The following BLK variants were observed in gnomAD, a reference collection of about 807,000 sequenced individuals.
BLK encodes the protein BLK proto-oncogene, Src family tyrosine kinase.
BLK carries 64 observed loss-of-function variants against 61.8 expected under a neutral mutation model. The observed-to-expected ratio is 1.03, with a 90% CI of 0.85 to 1.27. The LOEUF (loss-of-function observed/expected upper bound fraction) is 1.27. Ranked by LOEUF, BLK falls within the 50% of genes most tolerant of loss-of-function variation. The pLI is 0.00. For synonymous variants in BLK, 351 were observed against 272.0 expected, an observed-to-expected ratio of 1.29 and a Z score of -2.86; for missense variants, 853 against 660.5, an observed-to-expected ratio of 1.29 and a Z score of -3.19.
In BLK at chr8:11,554,783, G is replaced by A. The variant is rs755112375; in HGVS notation, c.513G>A (p.Gly171=). 5.0e-6 allele frequency: 8 copies of A among 1,613,972 alleles called. No homozygotes were observed. Among genetic ancestry groups the A allele is most frequent in the Non-Finnish European group, 6.8e-6 (8 of 1,180,014 alleles). Residue 171 remains glycine, a synonymous_variant, in exon 7 of 13, where the codon GGG becomes GGA. Transcript: ENST00000259089. ...CTGTGAAGGATGTCACCACCCAGGG[G>A]GAGCTGATCAAGCACTATAAGATCC... ...SLSVKDVTTQ[G]ELIKHYKIRC...
At chr8:11,545,296 C>G (rs958990221) in intron 2 of BLK, among the ~76,000 whole-genome samples, 5 of 152,202 alleles carry the variant, frequency 3.3e-5, no homozygotes, top group Non-Finnish European at 5.9e-5. Context: ...CGCCTGTAAT[C>G]CCAGCACTTT....
chr8:11,520,670 T>A (rs1025429204), intron 1 of BLK, among the ~76,000 whole-genome samples: 3 of 152,086 alleles, frequency 2.0e-5, no homozygotes, highest in Non-Finnish European at 4.4e-5. Flanking sequence ...CCTGCTAACA[T>A]TGAGATAATT....
rs147318716 is a variant in BLK, at chr8:11,551,176, G to A, written c.472+914G>A. On this transcript the variant is annotated intron_variant, in intron 6 of 12. Transcript: ENST00000259089. ...TGTCTTGCTTCTGTCACTCAGCAGT[G>A]TTTGTGGGATTCTATGTTAGTTTCC... is the stretch of plus-strand genomic sequence containing the variant. Among the ~76,000 whole-genome samples the A allele has an allele frequency of 4.8e-4, 73 of 152,318 alleles. 1 individual carries two copies. The East Asian group carries it at 0.012, about 25-fold the overall frequency.
At chr8:11,524,134 A>G (rs1280174966) in intron 1 of BLK, among the ~76,000 whole-genome samples, 1 of 152,236 alleles carries the variant, frequency 6.6e-6, no homozygotes, top group African/African-American at 2.4e-5. Flanking sequence ...AAATAAATTA[A>G]TGGTAAATTT....
intron 1 of BLK, among the ~76,000 whole-genome samples, chr8:11,507,476 C>T (rs75153348): frequency 0.064 from 9,687 of 152,260 alleles, 479 homozygotes; most frequent in Non-Finnish European, 0.091. Context: ...GGGGAAGACA[C>T]CACCCACCCT....
Position 11,556,789 on chromosome 8 carries a change from G to A in BLK, c.904G>A (p.Val302Met), listed in dbSNP as rs771604015. 47 of 1,614,112 alleles carry A rather than the reference G, an allele frequency of 2.9e-5. No homozygotes were observed. Among genetic ancestry groups the A allele is most frequent in the Non-Finnish European group, 3.9e-5 (46 of 1,180,048 alleles). Residue 302 changes from valine (V) to methionine (M), a missense_variant, in exon 9 of 13, where the codon GTG (valine) becomes ATG (methionine). Val to Met is a conservative substitution (Grantham distance 21). Transcript: ENST00000259089. ...CGAGCGGCTGGTCCGACTCTACGCA[G>A]TGGTCACCAAGGAGCCCATCTACAT... ...QHERLVRLYA[V>M]VTKEPIYIVT...
intron 1 of BLK, among the ~76,000 whole-genome samples, chr8:11,500,921 T>A (rs1314121727): frequency 6.6e-6 from 1 of 152,174 alleles, no homozygotes; most frequent in African/African-American, 2.4e-5. Flanking sequence ...TAATACTTTT[T>A]ATTTTGGCCA....
intron 1 of BLK, among the ~76,000 whole-genome samples, chr8:11,528,937 C>A (rs1799783436): frequency 1.3e-5 from 2 of 152,012 alleles, no homozygotes; most frequent in African/African-American, 4.8e-5. Context: ...ATAACACACA[C>A]TGGGGCCTAT....
chr8:11,516,944 C>T (rs904748498), intron 1 of BLK, among the ~76,000 whole-genome samples: 1 of 152,246 alleles, frequency 6.6e-6, no homozygotes, highest in Non-Finnish European at 1.5e-5. Flanking sequence ...ACACCCAGAA[C>T]TGGCATTGCT....
intron 1 of BLK, among the ~76,000 whole-genome samples, chr8:11,514,630 G>C (rs547818017): frequency 6.6e-6 from 1 of 152,298 alleles, no homozygotes; most frequent in South Asian, 2.1e-4. Flanking sequence ...CCCAGCCCCT[G>C]TGATTGCACT....
At chr8:11,508,336 G>A (rs1334832833) in intron 1 of BLK, among the ~76,000 whole-genome samples, 1 of 152,214 alleles carries the variant, frequency 6.6e-6, no homozygotes, top group East Asian at 1.9e-4. Context: ...AGCTCAAGCT[G>A]TGCTCACATG....
chr8:11,530,634 G>C (rs1314884237), intron 1 of BLK, among the ~76,000 whole-genome samples: 1 of 151,796 alleles, frequency 6.6e-6, no homozygotes, highest in Non-Finnish European at 1.5e-5. Flanking sequence ...TCTAAATTTT[G>C]TTTACAGGAG....
At chr8:11,559,472 CAAACTCACACAAACACATTT>C (rs1801384985) in intron 10 of BLK, among the ~76,000 whole-genome samples, 1 of 151,432 alleles carries the variant, frequency 6.6e-6, no homozygotes, top group African/African-American at 2.4e-5. Context: ...GACTCAAACA[CAAACTCACACAAACACATTT>C]ACACAAACTC....
chr8:11,511,538 C>A (rs1799008317), intron 1 of BLK, among the ~76,000 whole-genome samples: 1 of 152,128 alleles, frequency 6.6e-6, no homozygotes, highest in African/African-American at 2.4e-5. Context: ...CTTAGAAATT[C>A]TGTCTTAAAT....
At chr8:11,498,591 T>A (rs565547154) in intron 1 of BLK, among the ~76,000 whole-genome samples, 1 of 152,296 alleles carries the variant, frequency 6.6e-6, no homozygotes, top group South Asian at 2.1e-4. Flanking sequence ...AGTGGTCTCG[T>A]CCTGCAGTGT....
chr8:11,538,762 G>A (rs951458006), intron 1 of BLK, among the ~76,000 whole-genome samples: 2 of 152,168 alleles, frequency 1.3e-5, no homozygotes, highest in African/African-American at 2.4e-5. Flanking sequence ...CAGGGAGGCT[G>A]AGAGAGGCCA....
chr8:11,548,616 G>A (rs1800755962), intron 4 of BLK, among the ~76,000 whole-genome samples: 1 of 152,176 alleles, frequency 6.6e-6, no homozygotes, highest in Admixed American at 6.5e-5. Context: ...GGAGCTCTGA[G>A]GGTCTGATTT....
chr8:11,528,777 G>C lies in BLK; in HGVS notation c.-1-14447G>C, dbSNP rs574427456. Among the ~76,000 whole-genome samples the C allele has an allele frequency of 5.9e-5, 9 of 152,278 alleles. No individual in the cohort carries two copies. The South Asian group carries it at 1.9e-3, about 32-fold the overall frequency. On this transcript the variant is annotated intron_variant, in intron 1 of 12. Transcript: ENST00000259089. ...GAAGAAAAATAATGAGCCGTAAAAA[G>C]GAACGAGATTATGTCCTTTGCATGG...
intron 1 of BLK, among the ~76,000 whole-genome samples, chr8:11,519,781 A>G (rs1380294403): frequency 1.3e-5 from 2 of 152,218 alleles, no homozygotes; most frequent in Admixed American, 1.3e-4. Flanking sequence ...TTGAATCCAG[A>G]GCCTCTCACT....
Sources: gnomAD v4.1 joint callset for allele counts (sites outside exome capture counted in the v4.1 genomes callset) on GRCh38, gnomAD v4.1.1 for gene constraint, MANE v1.5 for transcripts, NCBI Gene and HGNC (gene_info 2026-07-23, HGNC 2026-07-21) for gene names.